The following XPNPEP3 variants were observed in gnomAD, a reference collection of about 807,000 sequenced individuals.
The protein encoded by XPNPEP3 is X-prolyl aminopeptidase 3.
XPNPEP3 carries 41 observed loss-of-function variants against 60.0 expected under a neutral mutation model. The ratio of observed to expected loss-of-function variants is 0.68; its 90% CI spans 0.53 to 0.89. The LOEUF is 0.89. XPNPEP3 is among the 40% of genes least tolerant of loss of function. The pLI, the probability that XPNPEP3 is intolerant of heterozygous loss-of-function variation, is 0.00. For synonymous variants in XPNPEP3, 212 were observed against 223.2 expected, an observed-to-expected ratio of 0.95 and a Z score of 0.45; for missense variants, 598 against 638.9, an observed-to-expected ratio of 0.94 and a Z score of 0.69.
chr22:40,867,345 C>T (rs984178924), intron 1 of XPNPEP3, among the ~76,000 whole-genome samples: 2 of 152,094 alleles, frequency 1.3e-5, no homozygotes, highest in Admixed American at 6.6e-5. Flanking sequence ...TCTGTTTAAT[C>T]TCAACAATCA....
At chr22:40,897,213 A>G (rs1833324409) in intron 4 of XPNPEP3, among the ~76,000 whole-genome samples, 1 of 151,828 alleles carries the variant, frequency 6.6e-6, no homozygotes, top group Non-Finnish European at 1.5e-5. Flanking sequence ...TATTTTTAGT[A>G]GAGATGGGGT....
chr22:40,901,362 G>A (rs1351680969), intron 4 of XPNPEP3, among the ~76,000 whole-genome samples: 1 of 150,832 alleles, frequency 6.6e-6, no homozygotes, highest in African/African-American at 2.4e-5. Flanking sequence ...AGCCTCCCAA[G>A]TAGCTGGGAA....
intron 4 of XPNPEP3, among the ~76,000 whole-genome samples, chr22:40,900,233 A>G (rs1333635796): frequency 6.6e-6 from 1 of 152,088 alleles, no homozygotes; most frequent in Non-Finnish European, 1.5e-5. Flanking sequence ...AAAAGTAGAT[A>G]AATTAGAATT....
At chr22:40,888,463 C>T (rs1013821556) in intron 4 of XPNPEP3, 8 of 422,298 alleles carry the variant, frequency 1.9e-5, no homozygotes, top group South Asian at 1.0e-4. Context: ...AGGCTAGTCT[C>T]GAACTCCTGA....
intron 1 of XPNPEP3, 42 bp from the exon 2 acceptor site, chr22:40,868,957 T>G: frequency 6.6e-7 from 1 of 1,512,646 alleles, no homozygotes; most frequent in Non-Finnish European, 9.2e-7. Flanking sequence ...GAAGACTTTC[T>G]AGATCTATTG....
chr22:40,869,154 C>T, intron 2 of XPNPEP3, 39 bp downstream of exon 2: 1 of 1,531,700 alleles, frequency 6.5e-7, no homozygotes, highest in Non-Finnish European at 9.0e-7. Context: ...CATTTAGGTT[C>T]TGTCTAGAGC....
chr22:40,910,349 G>C (rs2058172652), intron 6 of XPNPEP3, among the ~76,000 whole-genome samples: 1 of 152,018 alleles, frequency 6.6e-6, no homozygotes, highest in Non-Finnish European at 1.5e-5. Context: ...GCTACTGCTT[G>C]TTTATAAACT....
intron 4 of XPNPEP3, among the ~76,000 whole-genome samples, chr22:40,887,084 GT>G (rs2058072296): frequency 6.6e-6 from 1 of 152,066 alleles, no homozygotes; most frequent in Non-Finnish European, 1.5e-5. Flanking sequence ...AATTAATACT[GT>G]TTCTTTTCCT....
At chr22:40,892,039 G>C (rs940657447) in intron 4 of XPNPEP3, among the ~76,000 whole-genome samples, 9 of 152,234 alleles carry the variant, frequency 5.9e-5, no homozygotes, top group Middle Eastern at 3.4e-3. Context: ...GGGTTGCTTT[G>C]GGCATGCTGT....
chr22:40,887,783 C>T (rs2146255380), intron 4 of XPNPEP3, among the ~76,000 whole-genome samples: 1 of 151,956 alleles, frequency 6.6e-6, no homozygotes, highest in African/African-American at 2.4e-5. Flanking sequence ...CATATTCCTG[C>T]TACGTAACAG....
rs1339763159 is a variant in XPNPEP3, at chr22:40,858,451, G to GC, written c.64+1207dup. 2.0e-5 allele frequency among the ~76,000 whole-genome samples: 3 copies of GC among 151,012 alleles called. No homozygotes were observed. The East Asian group carries it at 5.9e-4, about 30-fold the overall frequency. ...AGCCATACTACCAGAAGGAACACTTGCAAAGGCACAGAACTCTAAAACGGA... is the reference window on the plus strand; with the variant it reads ...AGCCATACTACCAGAAGGAACACTTGCCAAAGGCACAGAACTCTAAAACGGA... On this transcript the variant is annotated intron_variant, in intron 1 of 9. Coordinates refer to ENST00000357137, the MANE Select transcript of XPNPEP3 (RefSeq NM_022098.4).
intron 1 of XPNPEP3, chr22:40,861,028 C>G (rs773954159): frequency 6.5e-7 from 1 of 1,534,944 alleles, no homozygotes; most frequent in South Asian, 1.3e-5. Context: ...AAAACACACA[C>G]AATTGTGTTC....
Position 40,881,985 on chromosome 22 carries a change from A to G in XPNPEP3, c.397A>G (p.Ile133Val). 1.2e-6 allele frequency: 2 copies of G among 1,614,150 alleles called. No homozygotes were observed. Among genetic ancestry groups the G allele is most frequent in the Non-Finnish European group, 1.7e-6 (2 of 1,180,026 alleles). Residue 133 changes from isoleucine to valine, a missense_variant, in exon 3 of 10, where the codon ATT becomes GTT. Coordinates refer to ENST00000357137, the MANE Select transcript of XPNPEP3 (RefSeq NM_022098.4). The stretch of plus-strand genomic sequence containing the variant: ...ATGTGGATTCCAAGAGCCTGATAGC[A>G]TTCTTGTCCTTCAGAGCCTCCCTGG... ...YLCGFQEPDS[I>V]LVLQSLPGKQ... is the part of the protein sequence containing the mutation.
chr22:40,903,101 C>A (rs945034856), intron 4 of XPNPEP3, among the ~76,000 whole-genome samples: 1 of 152,222 alleles, frequency 6.6e-6, no homozygotes, highest in Non-Finnish European at 1.5e-5. Flanking sequence ...CAAGCTGATA[C>A]AAACTGCTCT....
intron 1 of XPNPEP3, chr22:40,860,797 C>A: frequency 1.5e-6 from 1 of 650,394 alleles, no homozygotes; most frequent in Non-Finnish European, 2.5e-6. Flanking sequence ...ACTACAGGTG[C>A]ACACCACCAC....
chr22:40,866,847 G>A (rs183248710), intron 1 of XPNPEP3, among the ~76,000 whole-genome samples: 1 of 152,238 alleles, frequency 6.6e-6, no homozygotes, highest in East Asian at 1.9e-4. Flanking sequence ...ATAAAGTTAA[G>A]CTCCCTCTGC....
chr22:40,910,127 TA>T (rs889496161), intron 6 of XPNPEP3, among the ~76,000 whole-genome samples: 34 of 143,336 alleles, frequency 2.4e-4, no homozygotes, highest in East Asian at 4.0e-4. Context: ...ACAGCATAAT[TA>T]AAAAAAAAAA....
chr22:40,908,262 G>A (rs538019758), intron 5 of XPNPEP3, among the ~76,000 whole-genome samples: 13 of 151,532 alleles, frequency 8.6e-5, no homozygotes, highest in Non-Finnish European at 4.4e-5. Flanking sequence ...GCACATGCCT[G>A]TAATTCCATT....
chr22:40,870,166 A>G, intron 2 of XPNPEP3: 1 of 442,488 alleles, frequency 2.3e-6, no homozygotes, highest in Non-Finnish European at 4.7e-6. Context: ...CCCAGTTGGT[A>G]TTAATTTTAG....
Sources: allele counts gnomAD v4.1 joint callset (sites outside exome capture counted in the v4.1 genomes callset), GRCh38; gene constraint gnomAD v4.1.1; transcripts MANE v1.5; gene names NCBI Gene and HGNC (gene_info 2026-07-23, HGNC 2026-07-21).